ABL1: variants seen among roughly 807,000 people sequenced by gnomAD.
ABL1 encodes the protein tyrosine-protein kinase ABL1.
Under a neutral mutation model 94.7 loss-of-function variants are expected in ABL1, and 11 were observed. The observed-to-expected ratio is 0.12, with a 90% CI of 0.07 to 0.19. The LOEUF is 0.19. ABL1 is among the 10% of genes least tolerant of loss of function. The pLI is 1.00. For synonymous variants in ABL1, 656 were observed against 622.4 expected (o/e 1.05, Z -0.80); for missense variants, 1,082 against 1,489.4 (o/e 0.73, Z 4.50).
chr9:130,733,719 C>T (rs1000201717), intron 1 of ABL1, among the ~76,000 whole-genome samples: 2 of 151,792 alleles, frequency 1.3e-5, no homozygotes, highest in Non-Finnish European at 2.9e-5. Context: ...GCTGGGACTA[C>T]AGGCGCCCGC....
chr9:130,746,839 C>T (rs889904818), intron 1 of ABL1, among the ~76,000 whole-genome samples: 3 of 152,074 alleles, frequency 2.0e-5, no homozygotes, highest in African/African-American at 7.2e-5. Context: ...AACTGGGTGG[C>T]TTAAAACAAC....
intron 1 of ABL1, among the ~76,000 whole-genome samples, chr9:130,750,192 C>CATATATAT (rs56263750): frequency 3.0e-4 from 32 of 106,432 alleles, no homozygotes; most frequent in Non-Finnish European, 5.0e-4. Context: ...AAAAAAAATA[C>CATATATAT]ATATATATAT....
intron 1 of ABL1, among the ~76,000 whole-genome samples, chr9:130,851,043 C>T (rs1442764048): frequency 6.6e-6 from 1 of 152,034 alleles, no homozygotes; most frequent in Non-Finnish European, 1.5e-5. Flanking sequence ...CCTGCCTCAG[C>T]CTCCCGAGTA....
Position 130,835,736 on chromosome 9 carries a change from C to A in ABL1, c.79+211C>A, listed in dbSNP as rs189468626. Among the ~76,000 whole-genome samples the A allele has an allele frequency of 3.5e-3, 496 of 143,642 alleles. 3 individuals are homozygous for A. Among genetic ancestry groups the A allele is most frequent in the Non-Finnish European group, 5.5e-3 (365 of 65,784 alleles). 94.2% of individuals were successfully genotyped at this position (143,642 alleles called of 152,430 possible). ...TCTCTGTGTCTGTCTCTTTTCTCTT[C>A]TCTTGTCTCTCTCTTTTTCTCTCTC... On this transcript the variant is annotated intron_variant, in intron 1 of 10. Transcript: ENST00000318560. The surrounding 1 kb of genome is among the most constrained non-coding windows in gnomAD (Gnocchi z 4.6).
intron 1 of ABL1, among the ~76,000 whole-genome samples, chr9:130,845,088 T>G (rs1227510629): frequency 6.6e-6 from 1 of 152,178 alleles, no homozygotes; most frequent in Non-Finnish European, 1.5e-5. Context: ...TGGGATAAAT[T>G]AGTGAGAGGT....
At position 130,814,746 on chromosome 9, in the gene ABL1, G is replaced by A. The variant is rs4740205; in HGVS notation, c.137-39318G>A. On this transcript the variant is annotated intron_variant, in intron 1 of 10. Transcript: ENST00000372348. The surrounding 1 kb of genome is among the most constrained non-coding windows in gnomAD (Gnocchi z 4.4). ...CAAAAAATTCTCCGGGCGTGGTGGC[G>A]GGCGCCTGTAGTCCCAGCTACTCAG... is the stretch of plus-strand genomic sequence containing the variant. Among the ~76,000 whole-genome samples, 17,601 of 151,714 alleles carry A rather than the reference G, an allele frequency of 0.12. 1,086 individuals carry two copies. The highest frequency in any genetic ancestry group is 0.15 in the Admixed American group (2,277 of 15,276).
rs563098087 is a variant in ABL1, at chr9:130,851,266, A to G, written c.80-2798A>G. ...GAGAAAGGGGGCCAAACATATGACT[A>G]AGCTTCTTCTACACTCTAGGAGATG... is the stretch of plus-strand genomic sequence containing the variant. On this transcript the variant is annotated intron_variant, in intron 1 of 10. Transcript: ENST00000318560. Among the ~76,000 whole-genome samples the G allele has an allele frequency of 1.2e-3, 177 of 152,238 alleles. 1 individual carries two copies. Among genetic ancestry groups the G allele is most frequent in the Non-Finnish European group, 1.7e-3 (115 of 68,024 alleles).
chr9:130,841,947 A>AGAGG (rs1336706324), intron 1 of ABL1, among the ~76,000 whole-genome samples: 5 of 148,302 alleles, frequency 3.4e-5, no homozygotes, highest in Non-Finnish European at 4.5e-5. Flanking sequence ...AGAGAGAGAG[A>AGAGG]GAGGGAGGGA....
chr9:130,715,607 TG>T (rs1383291083), intron 1 of ABL1, among the ~76,000 whole-genome samples: 2 of 152,270 alleles, frequency 1.3e-5, no homozygotes, highest in African/African-American at 4.8e-5. Flanking sequence ...TGTGTTGTTA[TG>T]ATGGTTCCCA....
exon 1 of ABL1, among the ~76,000 whole-genome samples, chr9:130,713,058 C>T (rs1164415064): frequency 1.3e-5 from 2 of 152,190 alleles, no homozygotes; most frequent in Admixed American, 1.3e-4. Context: ...ATCATGGCGG[C>T]CGCGGGGTTT....
intron 1 of ABL1, chr9:130,714,463 C>CT (rs768084207): frequency 6.2e-7 from 1 of 1,614,164 alleles, no homozygotes; most frequent in South Asian, 1.1e-5. Flanking sequence ...ATGGTGAGTG[C>CT]TTTTCAAAAT....
At chr9:130,728,594 G>C (rs768537668) in intron 1 of ABL1, among the ~76,000 whole-genome samples, 52 of 150,320 alleles carry the variant, frequency 3.5e-4, no homozygotes, top group Non-Finnish European at 6.2e-4. Flanking sequence ...GTTTCACCGT[G>C]TTAGCCAGGA....
intron 1 of ABL1, among the ~76,000 whole-genome samples, chr9:130,801,029 C>G (rs1461494654): frequency 2.0e-5 from 3 of 151,186 alleles, no homozygotes; most frequent in Non-Finnish European, 4.4e-5. Flanking sequence ...CTGCTGGGTT[C>G]AAGCAATTCT....
At chr9:130,827,921 A>ATAAG (rs1830445706) in intron 1 of ABL1, among the ~76,000 whole-genome samples, 1 of 148,688 alleles carries the variant, frequency 6.7e-6, no homozygotes, top group Non-Finnish European at 1.5e-5. Flanking sequence ...AAATAAATAA[A>ATAAG]TAAATAAATA....
intron 6 of ABL1, among the ~76,000 whole-genome samples, chr9:130,873,996 A>T (rs1362390070): frequency 1.3e-5 from 2 of 152,142 alleles, no homozygotes; most frequent in Non-Finnish European, 1.5e-5. Flanking sequence ...AGATTGCTTG[A>T]CTTCTGGTTT....
At chr9:130,842,971 C>T (rs1373411177) in intron 1 of ABL1, among the ~76,000 whole-genome samples, 1 of 152,126 alleles carries the variant, frequency 6.6e-6, no homozygotes, top group Non-Finnish European at 1.5e-5. Context: ...GGATTTTGGC[C>T]ATGGTTTATA....
chr9:130,862,835 G>A lies in ABL1; in HGVS notation c.622G>A (p.Gly208Arg), dbSNP rs2132973552. ...LVHHHSTVAD[G>R]LITTLHYPAP... ...TCATCATCATTCAACGGTGGCCGACGGGCTCATCACCACGCTCCATTATCC... is the reference window on the plus strand; with the variant it reads ...TCATCATCATTCAACGGTGGCCGACAGGCTCATCACCACGCTCCATTATCC... The change falls in exon 4 of 11, where the codon GGG becomes AGG. Residue 208 changes from glycine (G) to arginine (R), a missense_variant. This residue lies in a region of ABL1 where 92 missense variants were observed against 212.3 expected (regional missense o/e 0.43). Coordinates refer to ENST00000318560, the MANE Select transcript of ABL1 (RefSeq NM_005157.6). The surrounding 1 kb of genome is among the most constrained non-coding windows in gnomAD (Gnocchi z 5.5). The A allele has an allele frequency of 1.2e-6, 2 of 1,613,840 alleles. No individual in the cohort carries two copies. The highest frequency in any genetic ancestry group is 1.7e-6 in the Non-Finnish European group (2 of 1,179,982).
At chr9:130,740,614 A>C (rs1374534076) in intron 1 of ABL1, among the ~76,000 whole-genome samples, 2 of 152,138 alleles carry the variant, frequency 1.3e-5, no homozygotes, top group African/African-American at 2.4e-5. Context: ...CAATTTTACT[A>C]TGATCTCAGT....
In ABL1 at chr9:130,765,908, C is replaced by T. The variant is rs149838999; in HGVS notation, c.136+51453C>T. Among the ~76,000 whole-genome samples, 680 of 152,280 alleles carry T rather than the reference C, an allele frequency of 4.5e-3. 5 individuals are homozygous for T. Among genetic ancestry groups the T allele is most frequent in the African/African-American group, 0.015 (641 of 41,542 alleles). On this transcript the variant is annotated intron_variant, in intron 1 of 10. Coordinates refer to the ABL1 transcript ENST00000372348. ...TGTCTGTGGTGGCTTGGTGGAAAAA[C>T]GGTTTGTCAGCAGAATTTGGTAAAG...
Sources: allele counts gnomAD v4.1 joint callset (sites outside exome capture counted in the v4.1 genomes callset), GRCh38; gene constraint gnomAD v4.1.1; regional missense constraint gnomAD v4.1.1; non-coding constraint Gnocchi (gnomAD v3.1); transcripts MANE v1.5; gene names NCBI Gene and HGNC (gene_info 2026-07-23, HGNC 2026-07-21).